The following STK38L variants were observed in gnomAD, a reference collection of about 807,000 sequenced individuals.
The protein encoded by STK38L is serine/threonine kinase 38 like, also known as serine/threonine-protein kinase 38-like.
STK38L carries 28 observed loss-of-function variants against 59.7 expected under a neutral mutation model. The ratio of observed to expected loss-of-function variants is 0.47; its 90% CI spans 0.35 to 0.64. The LOEUF (loss-of-function observed/expected upper bound fraction) is 0.64. STK38L is among the 30% of genes least tolerant of loss of function. The pLI, the probability that STK38L is intolerant of heterozygous loss-of-function variation, is 0.01. For synonymous variants in STK38L, 162 were observed against 176.8 expected (o/e 0.92, Z 0.66); for missense variants, 314 against 555.8 (o/e 0.56, Z 4.37).
intron 1 of STK38L, among the ~76,000 whole-genome samples, chr12:27,288,868 C>T (rs1240863657): frequency 6.6e-6 from 1 of 150,708 alleles, no homozygotes; most frequent in Non-Finnish European, 1.5e-5. Flanking sequence ...ACTCCCCCTT[C>T]TTGCAAATTG....
intron 1 of STK38L, among the ~76,000 whole-genome samples, chr12:27,289,739 C>T (rs1020840402): frequency 6.6e-6 from 1 of 152,222 alleles, no homozygotes; most frequent in Non-Finnish European, 1.5e-5. Flanking sequence ...TGTGTTGCCT[C>T]ATGAGAATCA....
chr12:27,297,738 G>C lies in STK38L; in HGVS notation c.18G>C (p.Gly6=). The C allele has an allele frequency of 6.2e-7, 1 of 1,613,796 alleles. No individual in the cohort carries two copies. The highest frequency in any genetic ancestry group is 1.1e-5 in the South Asian group (1 of 91,032). The part of the protein sequence containing the change: MAMTA[G]TTTTFPMSNH... ...CCGTTACTATGGCAATGACGGCAGG[G>C]ACTACAACAACCTTTCCTATGAGCA... The change falls in exon 2 of 14, where the codon GGG becomes GGC. Residue 6 remains glycine (G), a synonymous_variant. Coordinates refer to ENST00000389032, the MANE Select transcript of STK38L (RefSeq NM_015000.4).
At chr12:27,276,973 T>C (rs907819332) in intron 1 of STK38L, among the ~76,000 whole-genome samples, 2 of 152,232 alleles carry the variant, frequency 1.3e-5, no homozygotes, top group African/African-American at 4.8e-5. Context: ...TAACCTTACA[T>C]TGAATAGTGT....
At chr12:27,285,815 C>T (rs183611557) in intron 1 of STK38L, among the ~76,000 whole-genome samples, 53 of 152,328 alleles carry the variant, frequency 3.5e-4, no homozygotes, top group African/African-American at 1.3e-3. Flanking sequence ...TTTATTTTGT[C>T]TCTCTCTTCT....
chr12:27,322,686 A>C lies in STK38L; in HGVS notation c.*231A>C. On this transcript the variant is annotated 3_prime_UTR_variant, in exon 14 of 14. Coordinates refer to ENST00000389032, the MANE Select transcript of STK38L (RefSeq NM_015000.4). Reference sequence around the variant, plus strand: ...TATTTTTGTTAACTTTATTATATGAAGGTACTGGAATAAAAGGAACAGACA... The same window carrying C: ...TATTTTTGTTAACTTTATTATATGACGGTACTGGAATAAAAGGAACAGACA... The C allele has an allele frequency of 2.6e-6, 1 of 388,994 alleles. No homozygotes were observed. Among genetic ancestry groups the C allele is most frequent in the South Asian group, 5.4e-5 (1 of 18,518 alleles). The allele number at this position is 388,994 out of a possible 1,614,324, so 24.1% of individuals were successfully genotyped here. A position where few individuals can be genotyped will look rare whatever the true frequency, so the allele number is the denominator to read the frequency against.
intron 1 of STK38L, among the ~76,000 whole-genome samples, chr12:27,248,698 T>C (rs1319792227): frequency 6.6e-6 from 1 of 152,160 alleles, no homozygotes; most frequent in Non-Finnish European, 1.5e-5. Context: ...TCCACTTGAC[T>C]CAATGGGGTA....
intron 1 of STK38L, among the ~76,000 whole-genome samples, chr12:27,262,369 A>G (rs1201643300): frequency 6.6e-6 from 1 of 152,348 alleles, no homozygotes; most frequent in African/African-American, 2.4e-5. Context: ...AGTAAATTCC[A>G]TATATTTTCA....
intron 1 of STK38L, among the ~76,000 whole-genome samples, chr12:27,268,349 A>G (rs980815708): frequency 1.3e-4 from 20 of 150,726 alleles, no homozygotes; most frequent in Non-Finnish European, 2.2e-4. Flanking sequence ...ATTCCCACCT[A>G]TGAGTGAGAA....
At chr12:27,319,976 C>G (rs1944683729) in intron 12 of STK38L, among the ~76,000 whole-genome samples, 1 of 152,182 alleles carries the variant, frequency 6.6e-6, no homozygotes, top group African/African-American at 2.4e-5. Context: ...TTCCTGTGGC[C>G]TTTTGCACTT....
At chr12:27,261,989 G>C (rs1177303503) in intron 1 of STK38L, among the ~76,000 whole-genome samples, 1 of 152,208 alleles carries the variant, frequency 6.6e-6, no homozygotes, top group Non-Finnish European at 1.5e-5. Flanking sequence ...GTAAATGTTA[G>C]TTTTTATTAG....
At chr12:27,272,253 A>G (rs1943439603) in intron 1 of STK38L, among the ~76,000 whole-genome samples, 3 of 152,356 alleles carry the variant, frequency 2.0e-5, no homozygotes, top group South Asian at 2.1e-4. Context: ...ATGAGACATT[A>G]TAGCTCCTTA....
At chr12:27,276,612 G>A (rs1343081764) in intron 1 of STK38L, among the ~76,000 whole-genome samples, 3 of 152,162 alleles carry the variant, frequency 2.0e-5, no homozygotes, top group Non-Finnish European at 4.4e-5. Flanking sequence ...TAAAAAGCAA[G>A]ATACTGTATT....
intron 1 of STK38L, among the ~76,000 whole-genome samples, chr12:27,272,507 A>T (rs571079620): frequency 6.6e-6 from 1 of 152,328 alleles, no homozygotes; most frequent in East Asian, 1.9e-4. Flanking sequence ...ATAATAAAGG[A>T]TTGCAAATTA....
At chr12:27,322,085 T>C in intron 12 of STK38L, 58 bp from the exon 13 acceptor site, 1 of 1,436,002 alleles carries the variant, frequency 7.0e-7, no homozygotes, top group Non-Finnish European at 9.6e-7. Flanking sequence ...GTAGAATTAT[T>C]TGTTGGAAAT....
intron 2 of STK38L, among the ~76,000 whole-genome samples, chr12:27,299,253 ATACAGG>A (rs1944104853): frequency 6.6e-6 from 1 of 152,246 alleles, no homozygotes; most frequent in Admixed American, 6.5e-5. Flanking sequence ...TGCAGATTAG[ATACAGG>A]TATGGTGAGA....
chr12:27,317,263 A>G, intron 9 of STK38L, 73 bp from the exon 10 acceptor site: 2 of 1,092,842 alleles, frequency 1.8e-6, no homozygotes, highest in Non-Finnish European at 2.7e-6. Context: ...TGCTTTTTCC[A>G]GTAGTAAGCC....
intron 1 of STK38L, among the ~76,000 whole-genome samples, chr12:27,281,736 G>T (rs78868225): frequency 0.034 from 5,207 of 152,174 alleles, 110 homozygotes; most frequent in South Asian, 0.093. Context: ...GAAATTTTCT[G>T]TCAAAGAGTA....
chr12:27,317,122 C>A (rs922938327), intron 9 of STK38L, among the ~76,000 whole-genome samples: 3 of 152,148 alleles, frequency 2.0e-5, no homozygotes, highest in Admixed American at 1.3e-4. Context: ...ATTCAGCATT[C>A]CCTCAGGAAA....
chr12:27,294,957 C>T (rs1943981509), intron 1 of STK38L, among the ~76,000 whole-genome samples: 1 of 152,004 alleles, frequency 6.6e-6, no homozygotes, highest in African/African-American at 2.4e-5. Context: ...ATCTTGGCCT[C>T]ACAAAGTGCC....
Sources: gnomAD v4.1 joint callset for allele counts (sites outside exome capture counted in the v4.1 genomes callset) on GRCh38, gnomAD v4.1.1 for gene constraint, MANE v1.5 for transcripts, NCBI Gene and HGNC (gene_info 2026-07-23, HGNC 2026-07-21) for gene names.